The following DOCK9 variants were observed in gnomAD, a reference collection of about 807,000 sequenced individuals.
The protein encoded by DOCK9 is dedicator of cytokinesis 9, also known as dedicator of cytokinesis protein 9.
DOCK9 carries 89 observed loss-of-function variants against 263.3 expected under a neutral mutation model. The ratio of observed to expected loss-of-function variants is 0.34; its 90% confidence interval spans 0.28 to 0.40. The LOEUF is 0.40. Among genes scored for constraint, DOCK9 ranks in the 10% least tolerant of loss-of-function variants. DOCK9 has a pLI of 1.00. For synonymous variants in DOCK9, 976 were observed against 973.1 expected (o/e 1.00, Z -0.06); for missense variants, 2,140 against 2,603.4 (o/e 0.82, Z 3.87).
chr13:99,060,160 G>A (rs941718433), intron 1 of DOCK9, among the ~76,000 whole-genome samples: 2 of 128,832 alleles, frequency 1.6e-5, no homozygotes, highest in Non-Finnish European at 3.1e-5. Flanking sequence ...TGCAAACTCC[G>A]CCTCCAGGGT....
At chr13:98,970,062 A>G (rs2141313805) in intron 1 of DOCK9, among the ~76,000 whole-genome samples, 1 of 152,274 alleles carries the variant, frequency 6.6e-6, no homozygotes, top group South Asian at 2.1e-4. Flanking sequence ...TAGCTCCACC[A>G]TAGCTCACTG....
intron 2 of DOCK9, among the ~76,000 whole-genome samples, chr13:98,947,291 G>A (rs972446567): frequency 2.0e-5 from 3 of 152,062 alleles, no homozygotes; most frequent in East Asian, 1.9e-4. Context: ...TCACAAAGCT[G>A]AGTCCTTTCA....
intron 11 of DOCK9, among the ~76,000 whole-genome samples, chr13:98,902,713 C>T (rs1293801636): frequency 6.6e-6 from 1 of 152,180 alleles, no homozygotes; most frequent in African/African-American, 2.4e-5. Context: ...AATGTATGTT[C>T]CATAGAAAAC....
chr13:98,891,852 C>G (rs1268279416), intron 15 of DOCK9, among the ~76,000 whole-genome samples: 1 of 151,622 alleles, frequency 6.6e-6, no homozygotes, highest in Non-Finnish European at 1.5e-5. Flanking sequence ...TTTAAAAACC[C>G]AATCTCAAAC....
chr13:98,937,974 G>A (rs1162128010), intron 2 of DOCK9, among the ~76,000 whole-genome samples: 1 of 152,224 alleles, frequency 6.6e-6, no homozygotes, highest in Non-Finnish European at 1.5e-5. Context: ...AAGGGAGCAA[G>A]TGGAGGTACC....
chr13:98,923,039 C>T (rs1169844033), intron 5 of DOCK9, among the ~76,000 whole-genome samples: 1 of 152,144 alleles, frequency 6.6e-6, no homozygotes, highest in African/African-American at 2.4e-5. Context: ...ACAATGTAGC[C>T]AGATCTGATC....
At chr13:98,860,576 C>T (rs1479595822) in intron 32 of DOCK9, 54 bp from the exon 33 acceptor site, 6 of 1,492,868 alleles carry the variant, frequency 4.0e-6, no homozygotes, top group Admixed American at 4.2e-5. Context: ...AGGATTCCTC[C>T]CCTGTTCTTG....
chr13:99,045,716 G>T (rs776961281), intron 1 of DOCK9, among the ~76,000 whole-genome samples: 10 of 151,862 alleles, frequency 6.6e-5, no homozygotes, highest in Non-Finnish European at 1.5e-4. Context: ...CTAAATATAC[G>T]GAATTTTTGT....
intron 1 of DOCK9, among the ~76,000 whole-genome samples, chr13:99,083,019 C>T (rs778632099): frequency 7.2e-5 from 11 of 152,144 alleles, no homozygotes; most frequent in Non-Finnish European, 1.2e-4. Context: ...CTTTGGGAGG[C>T]CGAGGCAGGC....
At position 98,829,815 on chromosome 13, in the gene DOCK9, G is replaced by T. The variant is rs878995034; in HGVS notation, c.4636-59C>A. On this transcript the variant is annotated intron_variant, in intron 41 of 52. Transcript: ENST00000682017. This position sits in a 1 kb window ranked among gnomAD's most constrained non-coding sequence, Gnocchi z 4.1. ...ACCTTCAAATGACTGCCCAGGCTGG[G>T]CTTCTGCGTTCAGTTAGGATGTGCC... is the stretch of plus-strand genomic sequence containing the variant. The T allele has an allele frequency of 6.9e-6, 10 of 1,459,450 alleles. No homozygotes were observed. The highest frequency in any genetic ancestry group is 1.2e-5 in the South Asian group (1 of 82,094). 90.4% of individuals were successfully genotyped at this position (1,459,450 alleles called of 1,614,324 possible). A position where few individuals can be genotyped will look rare whatever the true frequency, so the allele number is the denominator to read the frequency against.
At chr13:98,915,198 T>G in intron 8 of DOCK9, 131 bp downstream of exon 8, 1 of 802,716 alleles carries the variant, frequency 1.2e-6, no homozygotes, top group South Asian at 2.1e-5. Flanking sequence ...GACAGGATAT[T>G]TGTAAAGAGC....
chr13:99,032,150 G>A (rs1887406672), intron 1 of DOCK9, among the ~76,000 whole-genome samples: 1 of 152,214 alleles, frequency 6.6e-6, no homozygotes, highest in East Asian at 1.9e-4. Context: ...TCAGTCCAAG[G>A]AGTGCCAATG....
At chr13:99,073,332 C>G (rs755650769) in intron 1 of DOCK9, among the ~76,000 whole-genome samples, 3 of 149,686 alleles carry the variant, frequency 2.0e-5, no homozygotes, top group Non-Finnish European at 4.5e-5. Flanking sequence ...TCTTCTCTCT[C>G]TTCTTTCTCT....
intron 18 of DOCK9, 150 bp from the exon 19 acceptor site, chr13:98,886,774 G>A (rs1342378329): frequency 5.8e-6 from 4 of 691,096 alleles, no homozygotes; most frequent in East Asian, 2.7e-5. Flanking sequence ...CCGGACTGCT[G>A]GGTCCTGCCC....
intron 38 of DOCK9, among the ~76,000 whole-genome samples, chr13:98,842,312 G>A (rs536349512): frequency 7.2e-5 from 11 of 152,294 alleles, no homozygotes; most frequent in African/African-American, 2.6e-4. Flanking sequence ...TTCACAGGCA[G>A]CTCAGCACAT....
At chr13:99,046,964 A>T (rs1406956599) in intron 1 of DOCK9, among the ~76,000 whole-genome samples, 1 of 152,258 alleles carries the variant, frequency 6.6e-6, no homozygotes, top group East Asian at 1.9e-4. Context: ...GAGCGTGAAG[A>T]GAGCCAAAGT....
At chr13:98,906,666 C>T (rs921939479) in intron 9 of DOCK9, among the ~76,000 whole-genome samples, 2 of 152,214 alleles carry the variant, frequency 1.3e-5, no homozygotes, top group African/African-American at 4.8e-5. Flanking sequence ...TCTCTTATTA[C>T]ATTTCTAATC....
chr13:98,828,082 G>A (rs2092615715), intron 43 of DOCK9, among the ~76,000 whole-genome samples: 1 of 152,176 alleles, frequency 6.6e-6, no homozygotes, highest in African/African-American at 2.4e-5. Flanking sequence ...GCAGGAACTG[G>A]AGGGATGTGG....
intron 1 of DOCK9, among the ~76,000 whole-genome samples, chr13:99,043,103 G>A (rs184459378): frequency 1.8e-4 from 27 of 151,990 alleles, no homozygotes; most frequent in Non-Finnish European, 3.1e-4. Flanking sequence ...GCCTCAGCCC[G>A]TGAGGGACAT....
Sources: allele counts gnomAD v4.1 joint callset (sites outside exome capture counted in the v4.1 genomes callset), GRCh38; gene constraint gnomAD v4.1.1; non-coding constraint Gnocchi (gnomAD v3.1); transcripts MANE v1.5; gene names NCBI Gene and HGNC (gene_info 2026-07-23, HGNC 2026-07-21).